PABPC4: variants seen among roughly 807,000 people sequenced by gnomAD.
The protein encoded by PABPC4 is poly(A) binding protein cytoplasmic 4.
PABPC4 carries 15 observed loss-of-function variants against 74.5 expected under a neutral mutation model. The ratio of observed to expected loss-of-function variants is 0.20; its 90% CI spans 0.13 to 0.31. PABPC4 has a LOEUF of 0.31. Ranked by LOEUF, PABPC4 falls within the 10% of genes least tolerant of loss-of-function variation. The pLI, the probability that PABPC4 is intolerant of heterozygous loss-of-function variation, is 1.00. For missense variants in PABPC4, 610 were observed against 853.5 expected, an observed-to-expected ratio of 0.71 and a Z score of 3.55; for synonymous variants, 345 against 303.0, an observed-to-expected ratio of 1.14 and a Z score of -1.44.
chr1:39,565,689 G>A (rs747219756), intron 7 of PABPC4, among the ~76,000 whole-genome samples: 4 of 152,060 alleles, frequency 2.6e-5, no homozygotes, highest in Non-Finnish European at 4.4e-5. Flanking sequence ...TCAGCTGGGC[G>A]TGGTGGCACA....
chr1:39,571,431 G>A (rs1645938143), intron 2 of PABPC4, 82 bp from the exon 3 acceptor site: 7 of 1,560,216 alleles, frequency 4.5e-6, no homozygotes, highest in South Asian at 2.2e-5. Context: ...TGTGCCTGAG[G>A]AGACTCTAGC....
At chr1:39,562,658 A>C in intron 12 of PABPC4, 1 of 441,274 alleles carries the variant, frequency 2.3e-6, no homozygotes, top group East Asian at 3.4e-5. Flanking sequence ...AAGCGAAGTG[A>C]AACGTAAATA....
At chr1:39,564,653 C>A in intron 9 of PABPC4, 33 bp downstream of exon 9, 1 of 1,611,642 alleles carries the variant, frequency 6.2e-7, no homozygotes, top group South Asian at 1.1e-5. Flanking sequence ...CAGGTATATC[C>A]TGGGCTGTCA....
intron 6 of PABPC4, chr1:39,568,122 T>C (rs531925607): frequency 7.8e-5 from 22 of 280,388 alleles, no homozygotes; most frequent in African/African-American, 3.8e-4. Context: ...CCAGGCATGG[T>C]GGCGGGTGCC....
chr1:39,573,992 G>A (rs969117181), intron 1 of PABPC4, among the ~76,000 whole-genome samples: 1 of 152,182 alleles, frequency 6.6e-6, no homozygotes, highest in Non-Finnish European at 1.5e-5. Flanking sequence ...TCCATGAGGG[G>A]ATTTAGACAG....
In PABPC4 at chr1:39,576,485, A is replaced by AGGCGCGG. The variant is rs1257222709; in HGVS notation, c.-541_-535dup. 2.0e-5 allele frequency: 3 copies of AGGCGCGG among 149,682 alleles called. No individual in the cohort carries two copies. The highest frequency in any genetic ancestry group is 4.9e-5 in the African/African-American group (2 of 40,746). The allele number at this position is 149,682 out of a possible 1,614,324, so 9.3% of individuals were successfully genotyped here. A position where few individuals can be genotyped will look rare whatever the true frequency, so the allele number is the denominator to read the frequency against. The stretch of plus-strand genomic sequence containing the variant: ...GCACGGACACGTGGTGCGCCGGGGC[A>AGGCGCGG]GGCGCGGGGCGCGGGGCTCGGGGCC... On this transcript the variant is annotated 5_prime_UTR_variant, in exon 1 of 16. Transcript: ENST00000372858.
chr1:39,562,255 G>A, intron 13 of PABPC4, 52 bp from the exon 14 acceptor site: 1 of 1,611,506 alleles, frequency 6.2e-7, no homozygotes, highest in Non-Finnish European at 8.5e-7. Context: ...GTAAACAATG[G>A]ACACTGGTGT....
At chr1:39,570,989 C>T (rs1384558332) in intron 3 of PABPC4, 18 of 1,289,608 alleles carry the variant, frequency 1.4e-5, no homozygotes, top group Non-Finnish European at 1.8e-5. Flanking sequence ...TCACAAAACC[C>T]ACAGACAGAT....
In PABPC4 at chr1:39,562,219, T is replaced by A; in HGVS notation, c.1763-16A>T. ...AAGCGTTCTCCTATGGGGAGGATAG[T>A]TAATAAAAAAACAAATCAAATCCCA... On this transcript the variant is annotated splice_polypyrimidine_tract_variant and intron_variant, in intron 13 of 15. Transcript: ENST00000372858. 6.2e-7 allele frequency: 1 copy of A among 1,613,964 alleles called. No individual in the cohort carries two copies. The highest frequency in any genetic ancestry group is 8.5e-7 in the Non-Finnish European group (1 of 1,179,906).
chr1:39,562,023 A>T (rs756392541), intron 14 of PABPC4, 50 bp downstream of exon 14: 1 of 1,593,202 alleles, frequency 6.3e-7, no homozygotes, highest in Non-Finnish European at 8.6e-7. Flanking sequence ...GTTTGCCCCC[A>T]GTCTTCCCAA....
In PABPC4 at chr1:39,564,489, G is replaced by T. The variant is rs756811613; in HGVS notation, c.1387C>A (p.Arg463Ser). 1.9e-6 allele frequency: 3 copies of T among 1,614,240 alleles called. No homozygotes were observed. In the East Asian group the frequency reaches 6.7e-5, roughly 36 times the overall value. The change falls in exon 10 of 16, where the codon CGC becomes AGC. Residue 463 changes from arginine (R) to serine (S), a missense_variant. Around this residue, in one of 4 missense-constraint regions of PABPC4, gnomAD observed 277 missense variants for 301.8 expected, o/e 0.92. Transcript: ENST00000372858. ...GCATTACCAGTTGGAGCCAGATGGCGAAGAGTTGGACGAGGCCCAGACTGG... is the reference window on the plus strand; with the variant it reads ...GCATTACCAGTTGGAGCCAGATGGCTAAGAGTTGGACGAGGCCCAGACTGG... ...IRQSGPRPTL[R>S]HLAPTGNAPA...
At chr1:39,575,450 A>T (rs1646010268) in intron 1 of PABPC4, among the ~76,000 whole-genome samples, 1 of 152,194 alleles carries the variant, frequency 6.6e-6, no homozygotes, top group South Asian at 2.1e-4. Context: ...CCCACTGACA[A>T]GGACCACACG....
chr1:39,567,942 G>A, intron 6 of PABPC4, 96 bp from the exon 7 acceptor site: 3 of 669,932 alleles, frequency 4.5e-6, no homozygotes, highest in East Asian at 5.4e-5. Flanking sequence ...AGGAGCACCA[G>A]CATCTTTGGG....
At chr1:39,570,957 A>G (rs998654818) in intron 3 of PABPC4, 3 of 991,296 alleles carry the variant, frequency 3.0e-6, no homozygotes, top group Non-Finnish European at 4.1e-6. Flanking sequence ...GCTGCTTTCC[A>G]GCCAGCCCCA....
At chr1:39,568,094 A>G (rs868149618) in intron 6 of PABPC4, 2 of 295,642 alleles carry the variant, frequency 6.8e-6, no homozygotes, top group Non-Finnish European at 1.3e-5. Flanking sequence ...CGTCTCTACT[A>G]AAAATACAAA....
intron 7 of PABPC4, 72 bp from the exon 8 acceptor site, chr1:39,565,450 C>A: frequency 6.7e-7 from 1 of 1,502,070 alleles, no homozygotes; most frequent in African/African-American, 1.4e-5. Flanking sequence ...GCCTGTAATC[C>A]CAGCACTTTG....
intron 3 of PABPC4, 166 bp downstream of exon 3, chr1:39,571,068 G>A (rs1308606851): frequency 1.3e-6 from 2 of 1,504,936 alleles, no homozygotes; most frequent in Admixed American, 4.2e-5. Context: ...AGTCAAAAGG[G>A]CTGCCACGGC....
In PABPC4 at chr1:39,575,901, G is replaced by A. The variant is rs376119740; in HGVS notation, c.51C>T (p.Asp17=). The part of the protein sequence containing the change: ...SYPMASLYVG[D]LHSDVTEAML... The stretch of plus-strand genomic sequence containing the variant: ...TGGCCTCGGTGACGTCCGAATGCAG[G>A]TCGCCCACGTACAGGGAGGCCATGG... Residue 17 remains aspartate (D), a synonymous_variant, in exon 1 of 16, where the codon GAC becomes GAT. Transcript: ENST00000372858. 5.9e-5 allele frequency: 95 copies of A among 1,610,796 alleles called. No individual in the cohort carries two copies. Among genetic ancestry groups the A allele is most frequent in the Middle Eastern group, 1.6e-4 (1 of 6,076 alleles).
intron 7 of PABPC4, among the ~76,000 whole-genome samples, chr1:39,566,491 A>G (rs1011839038): frequency 1.3e-5 from 2 of 152,228 alleles, no homozygotes; most frequent in Non-Finnish European, 2.9e-5. Context: ...CTTTTCCCAC[A>G]TTAAGTTCAT....
Sources: allele counts gnomAD v4.1 joint callset (sites outside exome capture counted in the v4.1 genomes callset), GRCh38; gene constraint gnomAD v4.1.1; regional missense constraint gnomAD v4.1.1; transcripts MANE v1.5; gene names NCBI Gene and HGNC (gene_info 2026-07-23, HGNC 2026-07-21).